FAM13A: variants seen among roughly 807,000 people sequenced by gnomAD.
FAM13A encodes protein FAM13A.
In FAM13A, 76 loss-of-function variants were observed where a neutral mutation model predicts 129.6. That is an observed-to-expected ratio of 0.59 (90% CI 0.49 to 0.71). The LOEUF is 0.71. Among genes scored for constraint, FAM13A ranks in the 30% least tolerant of loss-of-function variants. The pLI, the probability that FAM13A is intolerant of heterozygous loss-of-function variation, is 0.00. For synonymous variants in FAM13A, 443 were observed against 449.9 expected (o/e 0.98, Z 0.20); for missense variants, 1,108 against 1,249.3 (o/e 0.89, Z 1.70).
At chr4:88,805,704 T>A (rs1374165587) in intron 7 of FAM13A, among the ~76,000 whole-genome samples, 1 of 152,096 alleles carries the variant, frequency 6.6e-6, no homozygotes, top group East Asian at 1.9e-4. Flanking sequence ...GGTCTCACTC[T>A]GTTGGCCAGG....
chr4:88,747,858 G>C lies in FAM13A; in HGVS notation c.2162-7C>G. 1 of 1,579,984 alleles carries C rather than the reference G, an allele frequency of 6.3e-7. No individual in the cohort carries two copies. The highest frequency in any genetic ancestry group is 8.7e-7 in the Non-Finnish European group (1 of 1,150,058). On this transcript the variant is annotated splice_region_variant and splice_polypyrimidine_tract_variant and intron_variant, in intron 17 of 23. Coordinates refer to ENST00000264344, the MANE Select transcript of FAM13A (RefSeq NM_014883.4). ...GATATCTTTAGTTTTGATTCTAGTT[G>C]AGAAGATTTGGGGGTAAAGATATAT...
chr4:88,997,062 G>A (rs759759780), intron 3 of FAM13A, among the ~76,000 whole-genome samples: 1 of 152,096 alleles, frequency 6.6e-6, no homozygotes, highest in African/African-American at 2.4e-5. Context: ...AGAAGAAAAA[G>A]CTCCTTTAGT....
intron 4 of FAM13A, among the ~76,000 whole-genome samples, chr4:88,945,982 G>T (rs1245748964): frequency 8.1e-5 from 2 of 24,828 alleles, no homozygotes; most frequent in Non-Finnish European, 1.3e-4. Flanking sequence ...GTGTGTGTGT[G>T]TGTGTGTGTA....
chr4:88,964,405 T>C (rs867070976), intron 4 of FAM13A, among the ~76,000 whole-genome samples: 8 of 152,124 alleles, frequency 5.3e-5, no homozygotes, highest in Middle Eastern at 3.4e-3. Flanking sequence ...TTTTTGGAGG[T>C]AGTCTGTTGT....
intron 4 of FAM13A, among the ~76,000 whole-genome samples, chr4:88,969,079 C>T (rs536517692): frequency 1.3e-5 from 2 of 152,220 alleles, no homozygotes; most frequent in South Asian, 4.1e-4. Flanking sequence ...TAATTTCCAT[C>T]TCAGATTATC....
intron 7 of FAM13A, among the ~76,000 whole-genome samples, chr4:88,833,672 G>T (rs184428445): frequency 1.3e-4 from 20 of 152,190 alleles, no homozygotes; most frequent in Non-Finnish European, 1.8e-4. Context: ...GATCACCTGA[G>T]GTCAGGAGTT....
chr4:88,733,937 T>TA (rs1560836537), intron 21 of FAM13A, among the ~76,000 whole-genome samples: 1 of 152,228 alleles, frequency 6.6e-6, no homozygotes, highest in African/African-American at 2.4e-5. Flanking sequence ...GCCTTGCACA[T>TA]AGTGAGCACT....
intron 3 of FAM13A, among the ~76,000 whole-genome samples, chr4:89,017,822 G>A (rs529363349): frequency 5.3e-5 from 8 of 152,026 alleles, no homozygotes; most frequent in East Asian, 1.9e-4. Flanking sequence ...CATACATATC[G>A]TGAAAAAGTT....
chr4:88,892,636 A>G (rs544387929), intron 6 of FAM13A, among the ~76,000 whole-genome samples: 1 of 152,328 alleles, frequency 6.6e-6, no homozygotes, highest in African/African-American at 2.4e-5. Flanking sequence ...TATTTTTTTA[A>G]GTGCCAAGAT....
intron 10 of FAM13A, among the ~76,000 whole-genome samples, chr4:88,785,979 T>C (rs966498744): frequency 3.9e-5 from 6 of 152,134 alleles, no homozygotes; most frequent in Admixed American, 3.9e-4. Context: ...ATGGGTATAG[T>C]CTTCATACCA....
At chr4:89,042,897 T>G (rs1216227800) in intron 1 of FAM13A, among the ~76,000 whole-genome samples, 1 of 152,230 alleles carries the variant, frequency 6.6e-6, no homozygotes, top group African/African-American at 2.4e-5. Context: ...CTCTATGTAC[T>G]TAGTACTGTT....
intron 19 of FAM13A, among the ~76,000 whole-genome samples, chr4:88,740,328 C>G (rs115139765): frequency 2.0e-5 from 3 of 152,184 alleles, no homozygotes; most frequent in African/African-American, 4.8e-5. Context: ...TATGTTGACA[C>G]GTGTCTCCTC....
At position 88,781,878 on chromosome 4, in the gene FAM13A, A is replaced by C. The variant is rs371585412; in HGVS notation, c.1272-527T>G. Reference sequence around the variant, plus strand: ...GCGGGGAGGGATAGCATTAGGAGATATACCTAATGCTAAATGACGAGTTAA... The same window carrying C: ...GCGGGGAGGGATAGCATTAGGAGATCTACCTAATGCTAAATGACGAGTTAA... On this transcript the variant is annotated intron_variant, in intron 10 of 23. Transcript: ENST00000264344. 4.2e-4 allele frequency among the ~76,000 whole-genome samples: 63 copies of C among 151,616 alleles called. No individual in the cohort carries two copies. The East Asian group carries it at 0.011, about 27-fold the overall frequency.
chr4:88,779,997 T>C (rs1722547501), intron 11 of FAM13A, among the ~76,000 whole-genome samples: 2 of 152,192 alleles, frequency 1.3e-5, no homozygotes, highest in Admixed American at 1.3e-4. Context: ...ACCATTTATT[T>C]TATTTAAATA....
chr4:88,904,685 G>C, intron 6 of FAM13A, among the ~76,000 whole-genome samples: 1 of 152,114 alleles, frequency 6.6e-6, no homozygotes, highest in East Asian at 1.9e-4. Flanking sequence ...CCTAGGTGAT[G>C]GTAGGAGATC....
intron 2 of FAM13A, among the ~76,000 whole-genome samples, chr4:89,024,349 T>C (rs17014934): frequency 0.015 from 2,310 of 152,046 alleles, 62 homozygotes; most frequent in African/African-American, 0.052. Context: ...GCCGTTAACA[T>C]TGTCAGCGAG....
intron 4 of FAM13A, among the ~76,000 whole-genome samples, chr4:88,954,223 C>G (rs1201875552): frequency 6.6e-6 from 1 of 152,144 alleles, no homozygotes; most frequent in Non-Finnish European, 1.5e-5. Flanking sequence ...TGAACATTTT[C>G]TTCATTTCAA....
At chr4:88,799,284 A>G (rs1288146006) in intron 8 of FAM13A, among the ~76,000 whole-genome samples, 1 of 152,202 alleles carries the variant, frequency 6.6e-6, no homozygotes, top group African/African-American at 2.4e-5. Context: ...CCATCTTTAA[A>G]GAAATCCACA....
intron 13 of FAM13A, among the ~76,000 whole-genome samples, chr4:88,763,490 G>A (rs1452411154): frequency 2.0e-5 from 3 of 152,120 alleles, no homozygotes; most frequent in Non-Finnish European, 2.9e-5. Flanking sequence ...CATCTCTCCC[G>A]GGCCCTCAGG....
Sources: gnomAD v4.1 joint callset for allele counts (sites outside exome capture counted in the v4.1 genomes callset) on GRCh38, gnomAD v4.1.1 for gene constraint, MANE v1.5 for transcripts, NCBI Gene and HGNC (gene_info 2026-07-23, HGNC 2026-07-21) for gene names.